ANO1: variants seen among roughly 807,000 people sequenced by gnomAD.
ANO1 encodes the protein anoctamin-1.
A neutral mutation model predicts 124.0 loss-of-function variants in ANO1; 59 were observed. The observed-to-expected ratio is 0.48, with a 90% CI of 0.39 to 0.59. ANO1 has a LOEUF of 0.59. Ranked by LOEUF, ANO1 falls within the 20% of genes least tolerant of loss-of-function variation. The pLI, the probability that ANO1 is intolerant of heterozygous loss-of-function variation, is 0.00. For synonymous variants in ANO1, 529 were observed against 532.0 expected, an observed-to-expected ratio of 0.99 and a Z score of 0.08; for missense variants, 1,059 against 1,328.0, an observed-to-expected ratio of 0.80 and a Z score of 3.15.
intron 4 of ANO1, among the ~76,000 whole-genome samples, chr11:70,105,305 A>C (rs900280779): frequency 6.6e-6 from 1 of 152,190 alleles, no homozygotes; most frequent in Admixed American, 6.5e-5. Flanking sequence ...CAGGACCCAA[A>C]CCATTGGAAA....
rs183207920 is a variant in ANO1 at position 70,161,655 on chromosome 11, G to C, written c.1814G>C (p.Arg605Thr). The change falls in exon 18 of 26, where the codon AGG (arginine) becomes ACG (threonine). Residue 605 changes from arginine (R) to threonine (T), a missense_variant. Physicochemically the swap from Arg to Thr is moderately conservative, Grantham distance 71. Transcript: ENST00000355303. Reference protein sequence around the residue: ...VPKTEKSFEERLIFKAFLLKF... With the variant: ...VPKTEKSFEETLIFKAFLLKF... ...AAGACGGAGAAAAGCTTTGAGGAGA[G>C]GCTGATCTTCAAGGCTTTCCTGCTG... is the stretch of plus-strand genomic sequence containing the variant. 1.2e-6 allele frequency: 2 copies of C among 1,614,034 alleles called. No homozygotes were observed. Among genetic ancestry groups the C allele is most frequent in the Admixed American group, 1.7e-5 (1 of 60,030 alleles).
chr11:70,113,270 T>C (rs981240471), intron 7 of ANO1, among the ~76,000 whole-genome samples: 3 of 152,198 alleles, frequency 2.0e-5, no homozygotes, highest in African/African-American at 7.2e-5. Context: ...CCTTTAGTTA[T>C]GTGTGTCATC....
intron 9 of ANO1, among the ~76,000 whole-genome samples, chr11:70,125,172 G>A (rs1285326261): frequency 6.6e-6 from 1 of 152,028 alleles, no homozygotes; most frequent in Non-Finnish European, 1.5e-5. Flanking sequence ...GTGAAACCCC[G>A]TCTCTACCCA....
At chr11:70,151,374 C>A (rs749783281) in intron 12 of ANO1, among the ~76,000 whole-genome samples, 1 of 152,096 alleles carries the variant, frequency 6.6e-6, no homozygotes, top group Non-Finnish European at 1.5e-5. Context: ...CAGGGCAGAG[C>A]GGGGGCAGAG....
intron 1 of ANO1, among the ~76,000 whole-genome samples, chr11:70,084,024 G>T (rs2044279816): frequency 6.6e-6 from 1 of 152,168 alleles, no homozygotes; most frequent in Non-Finnish European, 1.5e-5. Context: ...TACAGGGAGG[G>T]ACACAGTGTC....
intron 24 of ANO1, among the ~76,000 whole-genome samples, chr11:70,184,528 T>C (rs2049036561): frequency 6.6e-6 from 1 of 152,084 alleles, no homozygotes; most frequent in Non-Finnish European, 1.5e-5. Context: ...CCAGGGGCAG[T>C]TCCTTCAAGA....
At chr11:70,073,433 G>A (rs1009726008), upstream of ANO1, among the ~76,000 whole-genome samples, 2 of 152,232 alleles carry the variant, frequency 1.3e-5, no homozygotes, top group African/African-American at 2.4e-5. Context: ...CTTAACATTT[G>A]TAAAGAGCTT....
the ANO1 span, among the ~76,000 whole-genome samples, chr11:69,966,548 G>A: frequency 1.3e-5 from 2 of 152,200 alleles, no homozygotes; most frequent in African/African-American, 4.8e-5. Context: ...CTGCCACTGG[G>A]AAGCCCGAGG....
At chr11:70,174,920 A>AAAAAGAAAAGAAAAAAGAAAAGAAAAG (rs2048629174) in intron 22 of ANO1, among the ~76,000 whole-genome samples, 1 of 149,818 alleles carries the variant, frequency 6.7e-6, no homozygotes, top group African/African-American at 2.5e-5. Context: ...AAAGAAAAGA[A>AAAAAGAAAAGAAAAAAGAAAAGAAAAG]AAAAGAAAAG....
chr11:70,063,594 T>A (rs1857647239), intron 1 of ANO1: 1 of 152,178 alleles, frequency 6.6e-6, no homozygotes, highest in Non-Finnish European at 1.5e-5. Context: ...AGAGGACCAC[T>A]GTGATCCTCT....
chr11:70,061,155 C>T (rs781935094), intron 1 of ANO1, among the ~76,000 whole-genome samples: 39 of 151,940 alleles, frequency 2.6e-4, no homozygotes, highest in South Asian at 1.0e-3. Flanking sequence ...AGATAGGTAA[C>T]GCTAGGGGAA....
At chr11:70,182,289 G>A (rs114957374) in intron 23 of ANO1, among the ~76,000 whole-genome samples, 1,695 of 152,366 alleles carry the variant, frequency 0.011, 34 homozygotes, top group African/African-American at 0.039. Context: ...TGGCCACCAG[G>A]CACTCTCCTT....
chr11:70,107,643 A>T (rs1340351410), intron 5 of ANO1, among the ~76,000 whole-genome samples: 1 of 152,158 alleles, frequency 6.6e-6, no homozygotes, highest in Non-Finnish European at 1.5e-5. Flanking sequence ...CAGATGGAAA[A>T]ACTGAGGCCG....
At chr11:70,160,138 G>T (rs1348349978) in intron 16 of ANO1, among the ~76,000 whole-genome samples, 19 of 152,162 alleles carry the variant, frequency 1.2e-4, no homozygotes. Context: ...CTGTGACTGT[G>T]CCAGCAGGGA....
At chr11:70,186,391 G>GAAGGAAGGAAGGAAGGAAGGAAGA (rs1590953300) in intron 25 of ANO1, among the ~76,000 whole-genome samples, 1 of 142,522 alleles carries the variant, frequency 7.0e-6, no homozygotes, top group East Asian at 2.0e-4. Context: ...AGGAAGGAAG[G>GAAGGAAGGAAGGAAGGAAGGAAGA]AAGGAAGAAA....
chr11:70,130,087 A>G (rs2515267), intron 10 of ANO1, among the ~76,000 whole-genome samples: 85,210 of 152,006 alleles, frequency 0.56, 24,041 homozygotes, highest in Non-Finnish European at 0.59. Context: ...TAAGTTCAGC[A>G]TATCCAGAAA....
chr11:70,137,906 G>A (rs1254694832), intron 11 of ANO1, among the ~76,000 whole-genome samples: 1 of 147,884 alleles, frequency 6.8e-6, no homozygotes, highest in East Asian at 2.0e-4. Flanking sequence ...CAGTTGCTAC[G>A]TTGCACTGGC....
chr11:70,026,020 T>C (rs1034727033), intron 1 of ANO1, among the ~76,000 whole-genome samples: 3 of 146,788 alleles, frequency 2.0e-5, no homozygotes, highest in Non-Finnish European at 4.4e-5. Flanking sequence ...ATGGTGGTGG[T>C]GATGGTGATG....
chr11:70,124,672 C>T (rs921425257), intron 9 of ANO1, among the ~76,000 whole-genome samples: 1 of 152,208 alleles, frequency 6.6e-6, no homozygotes, highest in African/African-American at 2.4e-5. Context: ...CACTGCCTGG[C>T]CTGGCCTCAC....
Sources: allele counts gnomAD v4.1 joint callset (sites outside exome capture counted in the v4.1 genomes callset), GRCh38; gene constraint gnomAD v4.1.1; transcripts MANE v1.5; gene names NCBI Gene and HGNC (gene_info 2026-07-23, HGNC 2026-07-21).